MAPK10: variants seen among roughly 807,000 people sequenced by gnomAD.
MAPK10 encodes mitogen-activated protein kinase 10.
A neutral mutation model predicts 59.3 loss-of-function variants in MAPK10; 25 were observed. The ratio of observed to expected loss-of-function variants is 0.42; its 90% CI spans 0.31 to 0.59. The LOEUF is 0.59. MAPK10 is among the 20% of genes least tolerant of loss of function. The probability of loss-of-function intolerance (pLI) is 0.15; values close to 1 mark genes in which losing one functional copy is unlikely to be tolerated. For synonymous variants in MAPK10, 190 were observed against 200.5 expected (o/e 0.95, Z 0.44); for missense variants, 351 against 568.9 (o/e 0.62, Z 3.90).
At chr4:86,144,447 TAA>T (rs2064376514) in intron 4 of MAPK10, among the ~76,000 whole-genome samples, 1 of 152,278 alleles carries the variant, frequency 6.6e-6, no homozygotes, top group African/African-American at 2.4e-5. Flanking sequence ...TCTTGGAAGT[TAA>T]AGAGTATAGA....
chr4:86,243,337 A>G (rs1163743741), intron 2 of MAPK10, among the ~76,000 whole-genome samples: 1 of 152,228 alleles, frequency 6.6e-6, no homozygotes, highest in Non-Finnish European at 1.5e-5. Flanking sequence ...AATCACACAC[A>G]TTGGTCTATT....
rs150164322 is a variant in MAPK10 at position 86,276,471 on chromosome 4, T to C, written c.-7+78059A>G. On this transcript the variant is annotated intron_variant, in intron 2 of 13. Coordinates refer to ENST00000641462, the MANE Select transcript of MAPK10 (RefSeq NM_138982.4). ...ACCCAATGTTTAAAAAAAAGATACA[T>C]GCTTGCTTGCTTCTGACAGAACAGT... 6.6e-5 allele frequency among the ~76,000 whole-genome samples: 10 copies of C among 152,198 alleles called. No homozygotes were observed. The East Asian group carries it at 1.4e-3, about 21-fold the overall frequency.
intron 1 of MAPK10, among the ~76,000 whole-genome samples, chr4:86,445,571 G>T (rs1026587981): frequency 2.6e-5 from 4 of 152,000 alleles, no homozygotes; most frequent in African/African-American, 9.7e-5. Flanking sequence ...TTAAAATAAG[G>T]TTAAAAATAA....
intron 3 of MAPK10, among the ~76,000 whole-genome samples, chr4:86,167,937 T>A (rs1440618629): frequency 1.3e-5 from 2 of 152,220 alleles, no homozygotes; most frequent in Non-Finnish European, 2.9e-5. Context: ...GAAGGCAAAT[T>A]GTCTCTGTTT....
intron 4 of MAPK10, among the ~76,000 whole-genome samples, chr4:86,136,572 GC>G (rs1378499157): frequency 4.7e-5 from 7 of 150,320 alleles, no homozygotes; most frequent in African/African-American, 1.8e-4. Context: ...ACCAGCCACT[GC>G]AAAATCATGC....
rs1385823651 is a variant in MAPK10, at chr4:86,394,405, C to G, written c.-121-39761G>C. 4.6e-5 allele frequency among the ~76,000 whole-genome samples: 7 copies of G among 152,146 alleles called. No individual in the cohort carries two copies. The East Asian group carries it at 1.2e-3, about 25-fold the overall frequency. On this transcript the variant is annotated intron_variant, in intron 1 of 13. Transcript: ENST00000361569. ...TATTGTCAGTGATTTTTTAGAGAGA[C>G]TATATCACCAAACTACATATCAAAA...
intron 2 of MAPK10, among the ~76,000 whole-genome samples, chr4:86,247,969 G>A (rs1304653423): frequency 1.3e-5 from 2 of 152,146 alleles, no homozygotes; most frequent in Non-Finnish European, 2.9e-5. Flanking sequence ...CTAATTTTTT[G>A]TTGTCATATA....
intron 1 of MAPK10, among the ~76,000 whole-genome samples, chr4:86,405,013 G>T (rs1232571123): frequency 6.6e-6 from 1 of 152,132 alleles, no homozygotes; most frequent in Non-Finnish European, 1.5e-5. Context: ...TATCCCAGGA[G>T]TTTGGCATGA....
At position 86,206,278 on chromosome 4, in the gene MAPK10, G is replaced by C. The variant is rs531945102; in HGVS notation, c.-6-11871C>G. 9.9e-5 allele frequency among the ~76,000 whole-genome samples: 15 copies of C among 151,462 alleles called. No individual in the cohort carries two copies. The South Asian group carries it at 3.1e-3, about 32-fold the overall frequency. ...TTCGCATTGTTCAATTCCCACCTAT[G>C]AGTGAGAATATGCGGTGTTTGGTTT... On this transcript the variant is annotated intron_variant, in intron 2 of 13. Transcript: ENST00000641462.
In MAPK10 at chr4:86,118,579, T is replaced by TACACAC. The variant is rs148000432; in HGVS notation, c.237-11233_237-11228dup. On this transcript the variant is annotated intron_variant, in intron 4 of 13. Transcript: ENST00000641462. ...TTGTATGTATTTATATAAATACACA[T>TACACAC]ACACACACACACACACACACACACA... Among the ~76,000 whole-genome samples, 999 of 146,340 alleles carry TACACAC rather than the reference T, an allele frequency of 6.8e-3. 9 individuals carry two copies. Among genetic ancestry groups the TACACAC allele is most frequent in the African/African-American group, 0.024 (946 of 38,954 alleles).
intron 1 of MAPK10, among the ~76,000 whole-genome samples, chr4:86,592,355 TA>T (rs77290511): frequency 0.28 from 39,719 of 144,176 alleles, 5,521 homozygotes; most frequent in Admixed American, 0.33. Flanking sequence ...ATGGCCTTAA[TA>T]AAAAAAAAAA....
At chr4:86,065,099 A>G (rs2046476989) in intron 10 of MAPK10, 1 of 151,492 alleles carries the variant, frequency 6.6e-6, no homozygotes, top group African/African-American at 2.4e-5. Flanking sequence ...TTTTTTGTAA[A>G]GATAAGATCT....
intron 9 of MAPK10, among the ~76,000 whole-genome samples, chr4:86,097,526 A>T (rs1320774544): frequency 2.6e-5 from 4 of 152,052 alleles, no homozygotes; most frequent in Non-Finnish European, 4.4e-5. Flanking sequence ...TATGGGTCAC[A>T]TGGTTATTGC....
intron 1 of MAPK10, among the ~76,000 whole-genome samples, chr4:86,389,390 T>C (rs1441312088): frequency 1.3e-5 from 2 of 152,188 alleles, no homozygotes; most frequent in African/African-American, 2.4e-5. Context: ...TACAATATGA[T>C]CTTTGTAATA....
At chr4:86,366,020 A>T (rs1325138554) in intron 1 of MAPK10, among the ~76,000 whole-genome samples, 1 of 152,226 alleles carries the variant, frequency 6.6e-6, no homozygotes, top group African/African-American at 2.4e-5. Flanking sequence ...CTCTCCAATC[A>T]AGGAGATCTT....
At chr4:86,041,221 A>G (rs912826039) in intron 11 of MAPK10, among the ~76,000 whole-genome samples, 3 of 152,224 alleles carry the variant, frequency 2.0e-5, no homozygotes, top group Non-Finnish European at 2.9e-5. Context: ...GACAAAAACA[A>G]GCAATGGGGA....
chr4:86,108,908 ACTTT>A (rs559692467), intron 4 of MAPK10, among the ~76,000 whole-genome samples: 425 of 152,238 alleles, frequency 2.8e-3, no homozygotes, highest in Non-Finnish European at 2.2e-3. Flanking sequence ...CTAAGTCTTT[ACTTT>A]CTTAAATTAA....
chr4:86,515,878 T>C (rs1457087579), intron 1 of MAPK10, among the ~76,000 whole-genome samples: 1 of 131,720 alleles, frequency 7.6e-6, no homozygotes, highest in Non-Finnish European at 1.7e-5. Flanking sequence ...TTTTGTTTTT[T>C]GTTGTTGTTT....
intron 11 of MAPK10, among the ~76,000 whole-genome samples, chr4:86,053,196 G>A (rs983687827): frequency 6.6e-6 from 1 of 152,144 alleles, no homozygotes; most frequent in African/African-American, 2.4e-5. Context: ...CAGAGTTTAT[G>A]TATAATAATT....
Sources: gnomAD v4.1 joint callset for allele counts (sites outside exome capture counted in the v4.1 genomes callset) on GRCh38, gnomAD v4.1.1 for gene constraint, MANE v1.5 for transcripts, NCBI Gene and HGNC (gene_info 2026-07-23, HGNC 2026-07-21) for gene names.